The following ENOX1 variants were observed in gnomAD, a reference collection of about 807,000 sequenced individuals.
ENOX1 encodes ecto-NOX disulfide-thiol exchanger 1, also known as candidate growth-related and time keeping constitutive hydroquinone (NADH) oxidase.
In ENOX1, 42 loss-of-function variants were observed where a neutral mutation model predicts 82.5. The observed-to-expected ratio is 0.51, with a 90% confidence interval of 0.40 to 0.66. The LOEUF (loss-of-function observed/expected upper bound fraction) is 0.66, where lower values mean the gene tolerates loss of function less well. Among genes scored for constraint, ENOX1 ranks in the 30% least tolerant of loss-of-function variants. The probability of loss-of-function intolerance (pLI) is 0.00; values close to 1 mark genes in which losing one functional copy is unlikely to be tolerated. For missense variants in ENOX1, 608 were observed against 811.6 expected (o/e 0.75, Z 3.05); for synonymous variants, 271 against 282.2 (o/e 0.96, Z 0.40).
At chr13:43,217,373 G>C (rs929735354) in intron 16 of ENOX1, among the ~76,000 whole-genome samples, 2 of 152,106 alleles carry the variant, frequency 1.3e-5, no homozygotes, top group African/African-American at 4.8e-5. Context: ...CCATCAAAAC[G>C]GTAAGCAAAT....
At chr13:43,311,044 C>A (rs921566514) in intron 11 of ENOX1, among the ~76,000 whole-genome samples, 2 of 151,888 alleles carry the variant, frequency 1.3e-5, no homozygotes, top group African/African-American at 2.4e-5. Context: ...AAGCAGAATT[C>A]CACAGAGGGG....
chr13:43,445,330 A>G (rs1001981998), intron 3 of ENOX1, among the ~76,000 whole-genome samples: 93 of 152,084 alleles, frequency 6.1e-4, no homozygotes, highest in Middle Eastern at 3.4e-3. Context: ...TCACCGTGTT[A>G]GCCAGGATGG....
At chr13:43,275,217 C>T (rs7987512) in intron 12 of ENOX1, among the ~76,000 whole-genome samples, 3 of 152,136 alleles carry the variant, frequency 2.0e-5, no homozygotes, top group South Asian at 2.1e-4. Flanking sequence ...CTTCTGTGAG[C>T]GGTGTGTCAA....
At chr13:43,510,199 T>C (rs1284891212) in intron 2 of ENOX1, among the ~76,000 whole-genome samples, 1 of 152,070 alleles carries the variant, frequency 6.6e-6, no homozygotes, top group African/African-American at 2.4e-5. Flanking sequence ...GATCAATCCA[T>C]GTGAGATTTT....
intron 2 of ENOX1, among the ~76,000 whole-genome samples, chr13:43,572,557 T>A (rs1226222562): frequency 6.6e-6 from 1 of 152,246 alleles, no homozygotes; most frequent in Non-Finnish European, 1.5e-5. Context: ...TCAGTGAACA[T>A]TTCTCAGACC....
intron 1 of ENOX1, among the ~76,000 whole-genome samples, chr13:43,773,561 A>G (rs370561842): frequency 6.6e-6 from 1 of 152,292 alleles, no homozygotes. Flanking sequence ...CTAAAAGCCA[A>G]GCTTTCACAC....
chr13:43,743,069 G>C (rs150747292), intron 1 of ENOX1, among the ~76,000 whole-genome samples: 197 of 152,266 alleles, frequency 1.3e-3, no homozygotes, highest in African/African-American at 4.0e-3. Context: ...ACTGAAAAGA[G>C]AATGCCTTGA....
chr13:43,505,650 A>G (rs1326603022), intron 2 of ENOX1, among the ~76,000 whole-genome samples: 1 of 152,094 alleles, frequency 6.6e-6, no homozygotes, highest in African/African-American at 2.4e-5. Flanking sequence ...TCTGGATATT[A>G]GCCCTTTGTC....
intron 11 of ENOX1, among the ~76,000 whole-genome samples, chr13:43,316,323 G>T (rs949636891): frequency 1.3e-5 from 2 of 152,278 alleles, no homozygotes; most frequent in African/African-American, 2.4e-5. Context: ...GAGTATTAGG[G>T]AAAGTCCTTG....
chr13:43,487,686 C>T (rs1418729109), intron 2 of ENOX1, among the ~76,000 whole-genome samples: 2 of 152,172 alleles, frequency 1.3e-5, no homozygotes, highest in African/African-American at 4.8e-5. Context: ...AGACTCAAAT[C>T]TCCAATGTGA....
intron 3 of ENOX1, among the ~76,000 whole-genome samples, chr13:43,417,187 C>T (rs1423630083): frequency 7.4e-6 from 1 of 135,456 alleles, no homozygotes; most frequent in Non-Finnish European, 1.6e-5. Flanking sequence ...CCAGCCTCAG[C>T]AACAGAGGGA....
intron 2 of ENOX1, among the ~76,000 whole-genome samples, chr13:43,537,676 A>G (rs576975571): frequency 2.6e-5 from 4 of 152,358 alleles, no homozygotes; most frequent in East Asian, 1.9e-4. Flanking sequence ...TGAAATTATA[A>G]AAGATCTTGT....
chr13:43,652,958 AAAGTC>A (rs2084263188), intron 2 of ENOX1, among the ~76,000 whole-genome samples: 1 of 152,232 alleles, frequency 6.6e-6, no homozygotes, highest in African/African-American at 2.4e-5. Context: ...AGGTCATGGC[AAAGTC>A]AAGGATGACT....
chr13:43,265,527 T>TTG, intron 13 of ENOX1, 73 bp from the exon 14 acceptor site: 1 of 1,247,490 alleles, frequency 8.0e-7, no homozygotes, highest in East Asian at 2.4e-5. Context: ...GTATATCATC[T>TTG]TGTTAACTGA....
chr13:43,291,939 A>G (rs979548415), intron 12 of ENOX1, among the ~76,000 whole-genome samples: 9 of 152,208 alleles, frequency 5.9e-5, no homozygotes, highest in Non-Finnish European at 2.9e-5. Flanking sequence ...TTGGCTGGCC[A>G]CTGCCCAGGA....
intron 8 of ENOX1, among the ~76,000 whole-genome samples, chr13:43,348,659 G>A (rs1289806243): frequency 2.0e-5 from 3 of 152,134 alleles, no homozygotes; most frequent in Non-Finnish European, 4.4e-5. Flanking sequence ...TATCCACGTT[G>A]TCTACACTAC....
chr13:43,498,096 C>A (rs2076855551), intron 2 of ENOX1, among the ~76,000 whole-genome samples: 1 of 152,036 alleles, frequency 6.6e-6, no homozygotes. Flanking sequence ...GTACATTAAA[C>A]TCGCTGGTAC....
intron 2 of ENOX1, among the ~76,000 whole-genome samples, chr13:43,520,118 C>T (rs945479447): frequency 6.6e-6 from 1 of 152,116 alleles, no homozygotes; most frequent in Non-Finnish European, 1.5e-5. Flanking sequence ...AAATGTTCAT[C>T]AAATAAGTGA....
Position 43,355,909 on chromosome 13 carries a change from T to C in ENOX1, c.823+10A>G. 8.1e-6 allele frequency: 13 copies of C among 1,604,190 alleles called. No homozygotes were observed. The highest frequency in any genetic ancestry group is 1.7e-4 in the Middle Eastern group (1 of 5,956). Reference sequence around the variant, plus strand: ...GTGGAGGAAGAAAAGCCAGCGTGGGTGGCCCATACCTTTCAGCTTTTCAGC... The same window carrying C: ...GTGGAGGAAGAAAAGCCAGCGTGGGCGGCCCATACCTTTCAGCTTTTCAGC... On this transcript the variant is annotated intron_variant, in intron 8 of 16. Transcript: ENST00000690772.
Sources: allele counts gnomAD v4.1 joint callset (sites outside exome capture counted in the v4.1 genomes callset), GRCh38; gene constraint gnomAD v4.1.1; transcripts MANE v1.5; gene names NCBI Gene and HGNC (gene_info 2026-07-23, HGNC 2026-07-21).